The following EDIL3 variants were observed in gnomAD, a reference collection of about 807,000 sequenced individuals.
The protein encoded by EDIL3 is EGF like and discoidin domains 3, also known as EGF-like repeat and discoidin I-like domain-containing protein 3.
In EDIL3, 37 loss-of-function variants were observed where a neutral mutation model predicts 67.4. The ratio of observed to expected loss-of-function variants is 0.55; its 90% CI spans 0.42 to 0.72. EDIL3 has a LOEUF of 0.72. Among genes scored for constraint, EDIL3 ranks in the 30% least tolerant of loss-of-function variants. EDIL3 has a pLI of 0.00. For synonymous variants in EDIL3, 195 were observed against 196.3 expected (o/e 0.99, Z 0.05); for missense variants, 527 against 586.3 (o/e 0.90, Z 1.04).
At chr5:83,961,585 C>A (rs1045008603) in intron 10 of EDIL3, among the ~76,000 whole-genome samples, 2 of 151,178 alleles carry the variant, frequency 1.3e-5, no homozygotes, top group African/African-American at 4.8e-5. Flanking sequence ...CTATAATAGA[C>A]GTGCTGTTTA....
At chr5:84,268,384 T>C (rs1561240513) in intron 1 of EDIL3, among the ~76,000 whole-genome samples, 1 of 152,264 alleles carries the variant, frequency 6.6e-6, no homozygotes, top group South Asian at 2.1e-4. Context: ...ATGTTATGCT[T>C]AGAAAAATAA....
chr5:84,334,529 T>G (rs947380304), intron 1 of EDIL3, among the ~76,000 whole-genome samples: 51 of 152,234 alleles, frequency 3.4e-4, no homozygotes, highest in Admixed American at 2.0e-4. Flanking sequence ...TTTCAGTGTT[T>G]GGCTTTCCAT....
chr5:84,379,346 G>A (rs1748031317), intron 1 of EDIL3, among the ~76,000 whole-genome samples: 1 of 152,032 alleles, frequency 6.6e-6, no homozygotes, highest in Non-Finnish European at 1.5e-5. Flanking sequence ...ATATAACAAA[G>A]CTTTATTTAT....
intron 4 of EDIL3, among the ~76,000 whole-genome samples, chr5:84,172,538 C>T (rs1162812391): frequency 2.6e-5 from 4 of 151,988 alleles, no homozygotes; most frequent in Non-Finnish European, 5.9e-5. Context: ...CAGGATTGCA[C>T]ACCACTGCAC....
At chr5:84,115,645 A>G (rs149681304) in intron 5 of EDIL3, among the ~76,000 whole-genome samples, 1 of 152,292 alleles carries the variant, frequency 6.6e-6, no homozygotes, top group African/African-American at 2.4e-5. Context: ...TTTGCTTAAG[A>G]TGTATTCTTT....
chr5:84,261,118 A>G (rs546722750), intron 1 of EDIL3, among the ~76,000 whole-genome samples: 3 of 152,222 alleles, frequency 2.0e-5, no homozygotes, highest in Admixed American at 1.3e-4. Flanking sequence ...TGTAGAAGCG[A>G]GAGTTTTGAA....
At chr5:84,021,610 T>G (rs1283138465) in intron 9 of EDIL3, among the ~76,000 whole-genome samples, 1 of 152,028 alleles carries the variant, frequency 6.6e-6, no homozygotes, top group Non-Finnish European at 1.5e-5. Context: ...AGACTTGTTT[T>G]GTGGGCTAAC....
At chr5:84,119,651 C>T (rs930321887) in intron 5 of EDIL3, among the ~76,000 whole-genome samples, 1 of 152,030 alleles carries the variant, frequency 6.6e-6, no homozygotes, top group Non-Finnish European at 1.5e-5. Context: ...TTCATATTAA[C>T]ACTTTGATAA....
In EDIL3 at chr5:83,970,655, A is replaced by G. The variant is rs1484667711; in HGVS notation, c.1138-7295T>C. On this transcript the variant is annotated intron_variant, in intron 9 of 10. Transcript: ENST00000296591. ...ACATAGGATCACAGTATATATATAT[A>G]TATATATATATATATATATATATAT... is the stretch of plus-strand genomic sequence containing the variant. 8.4e-3 allele frequency among the ~76,000 whole-genome samples: 507 copies of G among 60,340 alleles called. 12 individuals carry two copies. The East Asian group carries it at 0.13, about 16-fold the overall frequency. The allele number at this position is 60,340 out of a possible 152,430, so 39.6% of individuals were successfully genotyped here. A position where few individuals can be genotyped will look rare whatever the true frequency, so the allele number is the denominator to read the frequency against.
chr5:84,202,757 T>C lies in EDIL3; in HGVS notation c.227-22236A>G, dbSNP rs147310888. Reference sequence around the variant, plus strand: ...GAAAGTCTGAAATTCAAAAGAGAAGTCAGGGATATAGAGAAGACAGAGAAG... The same window carrying C: ...GAAAGTCTGAAATTCAAAAGAGAAGCCAGGGATATAGAGAAGACAGAGAAG... On this transcript the variant is annotated intron_variant, in intron 3 of 10. Coordinates refer to ENST00000296591, the MANE Select transcript of EDIL3 (RefSeq NM_005711.5). Among the ~76,000 whole-genome samples the C allele has an allele frequency of 7.2e-3, 1,097 of 152,214 alleles. 11 individuals are homozygous for C. The highest frequency in any genetic ancestry group is 0.025 in the African/African-American group (1,028 of 41,532).
At chr5:84,308,456 T>TC (rs1286777611) in intron 1 of EDIL3, among the ~76,000 whole-genome samples, 1 of 152,196 alleles carries the variant, frequency 6.6e-6, no homozygotes, top group Non-Finnish European at 1.5e-5. Flanking sequence ...GAAAGTATTT[T>TC]CCTAGTCTGC....
chr5:84,338,582 C>G (rs1188700618), intron 1 of EDIL3, among the ~76,000 whole-genome samples: 1 of 152,098 alleles, frequency 6.6e-6, no homozygotes, highest in South Asian at 2.1e-4. Context: ...GGGACTTTAA[C>G]TAGGAACTAA....
chr5:84,357,386 C>T (rs933407724), intron 1 of EDIL3, among the ~76,000 whole-genome samples: 2 of 152,092 alleles, frequency 1.3e-5, no homozygotes, highest in Admixed American at 6.5e-5. Flanking sequence ...AAAGTGAATA[C>T]TATGAATATA....
intron 3 of EDIL3, among the ~76,000 whole-genome samples, chr5:84,209,460 A>G (rs1419989515): frequency 6.6e-6 from 1 of 152,174 alleles, no homozygotes; most frequent in Admixed American, 6.5e-5. Flanking sequence ...AAAAAGAAAG[A>G]ATGAATAAAT....
chr5:84,103,671 C>T (rs377722679), intron 6 of EDIL3, among the ~76,000 whole-genome samples: 24 of 151,978 alleles, frequency 1.6e-4, no homozygotes, highest in Admixed American at 3.9e-4. Context: ...AATTAGATAC[C>T]ATCTTACAAC....
chr5:84,377,300 T>C (rs1172719548), intron 1 of EDIL3, among the ~76,000 whole-genome samples: 5 of 129,868 alleles, frequency 3.9e-5, no homozygotes, highest in South Asian at 2.5e-4. Flanking sequence ...GTAGCGAGAC[T>C]CCGTCTCAAA....
chr5:84,193,191 C>T (rs573791173), intron 3 of EDIL3, among the ~76,000 whole-genome samples: 9 of 151,978 alleles, frequency 5.9e-5, no homozygotes, highest in South Asian at 4.1e-4. Context: ...ATGGAGAATA[C>T]TTTGAAAGGA....
Position 83,963,215 on chromosome 5 carries a change from C to T in EDIL3, c.1283G>A (p.Arg428Lys). 2 of 1,592,690 alleles carry T rather than the reference C, an allele frequency of 1.3e-6. No individual in the cohort carries two copies. ...ATTTGGCTGACTTACCTTATCTTTTCTTTGCTTTTCATCCTGGTATACAGT... is the reference window on the plus strand; with the variant it reads ...ATTTGGCTGACTTACCTTATCTTTTTTTTGCTTTTCATCCTGGTATACAGT... ...HWTVYQDEKQRKDKVFQGNFD... is the reference protein window; with the variant it reads ...HWTVYQDEKQKKDKVFQGNFD... Residue 428 changes from arginine to lysine, a missense_variant, in exon 10 of 11, where the codon AGA becomes AAA. This residue lies in a region of EDIL3 where 494 missense variants were observed against 522.5 expected (regional missense o/e 0.95). Coordinates refer to ENST00000296591, the MANE Select transcript of EDIL3 (RefSeq NM_005711.5).
chr5:84,373,821 C>CT (rs1427441699), intron 1 of EDIL3, among the ~76,000 whole-genome samples: 2 of 152,144 alleles, frequency 1.3e-5, no homozygotes, highest in African/African-American at 2.4e-5. Flanking sequence ...GACAGAAACT[C>CT]TGAGAAATTT....
Sources: allele counts gnomAD v4.1 joint callset (sites outside exome capture counted in the v4.1 genomes callset), GRCh38; gene constraint gnomAD v4.1.1; regional missense constraint gnomAD v4.1.1; transcripts MANE v1.5; gene names NCBI Gene and HGNC (gene_info 2026-07-23, HGNC 2026-07-21).